CCDC15: variants seen among roughly 807,000 people sequenced by gnomAD.
CCDC15 encodes coiled-coil domain-containing protein 15.
A neutral mutation model predicts 114.5 loss-of-function variants in CCDC15; 105 were observed. That is an observed-to-expected ratio of 0.92 (90% confidence interval 0.78 to 1.08). The LOEUF (loss-of-function observed/expected upper bound fraction) is 1.08, where lower values mean the gene tolerates loss of function less well. Ranked by LOEUF, CCDC15 falls within the 50% of genes least tolerant of loss-of-function variation. CCDC15 has a pLI of 0.00. For missense variants in CCDC15, 1,105 were observed against 1,093.6 expected (o/e 1.01, Z -0.15); for synonymous variants, 334 against 377.8 (o/e 0.88, Z 1.34).
At chr11:125,003,767 C>T (rs1948516177) in intron 11 of CCDC15, 100 bp from the exon 12 acceptor site, 3 of 649,514 alleles carry the variant, frequency 4.6e-6, no homozygotes, top group Non-Finnish European at 7.9e-6. Context: ...CCAATTGAGC[C>T]CAAGTTTGCA....
chr11:124,986,212 C>G (rs1948153758), intron 6 of CCDC15, among the ~76,000 whole-genome samples: 1 of 152,142 alleles, frequency 6.6e-6, no homozygotes, highest in Admixed American at 6.5e-5. Context: ...TTCCATTGTT[C>G]TGTATGTGTC....
At chr11:124,992,485 TTC>T (rs1948286766) in intron 9 of CCDC15, 93 bp from the exon 10 acceptor site, 2 of 704,872 alleles carry the variant, frequency 2.8e-6, no homozygotes, top group African/African-American at 3.6e-5. Flanking sequence ...CTGGTTTCAT[TTC>T]TCTGGAGTTT....
intron 13 of CCDC15, among the ~76,000 whole-genome samples, chr11:125,016,286 G>GT (rs1454256852): frequency 2.0e-5 from 3 of 151,216 alleles, no homozygotes; most frequent in African/African-American, 7.3e-5. Flanking sequence ...CTTTGTGTAT[G>GT]TTTTTTTCCT....
At position 125,006,721 on chromosome 11, in the gene CCDC15, A is replaced by AT. The variant is rs368135267; in HGVS notation, c.2411+1519dup. On this transcript the variant is annotated intron_variant, in intron 13 of 15. Transcript: ENST00000344762. ...AGGTGTAAGATCTGTGTTTAGAGTC[A>AT]TTTTTTTTTTGCATGTGGATGTCCA... 6.1e-4 allele frequency among the ~76,000 whole-genome samples: 90 copies of AT among 147,784 alleles called. No individual in the cohort carries two copies. In the East Asian group the frequency reaches 6.1e-3, roughly 10 times the overall value.
In CCDC15 at chr11:124,972,993, G is replaced by A. The variant is rs978823393; in HGVS notation, c.517-2103G>A. Among the ~76,000 whole-genome samples the A allele has an allele frequency of 5.9e-5, 9 of 152,146 alleles. No individual in the cohort carries two copies. In the East Asian group the frequency reaches 1.5e-3, roughly 26 times the overall value. ...TTTTCTTATAAAGTAATATTTACAG[G>A]TTCTAGGGATTAACACCTGGTATCT... On this transcript the variant is annotated intron_variant, in intron 4 of 15. Coordinates refer to ENST00000344762, the MANE Select transcript of CCDC15 (RefSeq NM_025004.3).
chr11:124,988,082 A>G lies in CCDC15; in HGVS notation c.1856A>G (p.Asp619Gly). The change falls in exon 8 of 16, where the codon GAC (aspartate) becomes GGC (glycine). Residue 619 changes from aspartate (D) to glycine (G), a missense_variant. Physicochemically the swap from Asp to Gly is moderately conservative, Grantham distance 94. Transcript: ENST00000344762. ...AGAGACCTGCATGTTCTCTCCAACG[A>G]CCAGAATATTCTACCCAAATGTCAG... Reference protein sequence around the residue: ...LPRDLHVLSNDQNILPKCQDQ... With the variant: ...LPRDLHVLSNGQNILPKCQDQ... 1 of 1,613,944 alleles carries G rather than the reference A, an allele frequency of 6.2e-7. No homozygotes were observed. The highest frequency in any genetic ancestry group is 8.5e-7 in the Non-Finnish European group (1 of 1,179,868).
At chr11:124,976,378 TA>T (rs1459293018) in intron 5 of CCDC15, among the ~76,000 whole-genome samples, 1 of 152,070 alleles carries the variant, frequency 6.6e-6, no homozygotes, top group Non-Finnish European at 1.5e-5. Context: ...TAGTTAAATT[TA>T]AAAAACAAGT....
chr11:124,965,339 A>G (rs1947755631), intron 4 of CCDC15, among the ~76,000 whole-genome samples: 1 of 152,086 alleles, frequency 6.6e-6, no homozygotes, highest in South Asian at 2.1e-4. Flanking sequence ...GGTCTGTGCA[A>G]GGATTCAACT....
At chr11:124,963,473 A>G in intron 4 of CCDC15, among the ~76,000 whole-genome samples, 1 of 152,136 alleles carries the variant, frequency 6.6e-6, no homozygotes, top group Non-Finnish European at 1.5e-5. Flanking sequence ...TCCTTTGCCC[A>G]CTTTTTGATG....
At position 125,005,205 on chromosome 11, in the gene CCDC15, AT is replaced by A; in HGVS notation, c.2406del (p.Ile802MetfsTer20). On this transcript the variant is annotated frameshift_variant, in exon 13 of 16. Transcript: ENST00000344762. LOFTEE classifies it high-confidence loss of function. ...AAGGCAAAAAGAACAAAAGAAGAAAATTGAAAAGTAAGTTATTCGATCTGCT... is the reference window on the plus strand; with the variant it reads ...AAGGCAAAAAGAACAAAAGAAGAAAATGAAAAGTAAGTTATTCGATCTGCT... Reference protein sequence around the residue: ...QQRQKEQKKKIEKIKKKREQE... With the variant: ...QQRQKEQKKKXEKIKKKREQE... The A allele has an allele frequency of 6.9e-7, 1 of 1,441,848 alleles. No individual in the cohort carries two copies. The highest frequency in any genetic ancestry group is 9.6e-7 in the Non-Finnish European group (1 of 1,041,010). 89.3% of individuals were successfully genotyped at this position (1,441,848 alleles called of 1,614,324 possible). A position where few individuals can be genotyped will look rare whatever the true frequency, so the allele number is the denominator to read the frequency against.
chr11:125,019,309 A>G (rs1440639578), intron 13 of CCDC15, among the ~76,000 whole-genome samples: 3 of 152,076 alleles, frequency 2.0e-5, no homozygotes, highest in African/African-American at 7.2e-5. Flanking sequence ...AGTAGTTAGC[A>G]TTCACTGAGT....
Position 124,993,157 on chromosome 11 carries a change from T to A in CCDC15, c.2140-12T>A. ...CTTAGACAATCAGTTTTGTATTTTG[T>A]TGTTCCTTTAGAACAAGCATATCAA... On this transcript the variant is annotated splice_polypyrimidine_tract_variant and intron_variant, in intron 10 of 15. Transcript: ENST00000344762. 6.4e-7 allele frequency: 1 copy of A among 1,562,680 alleles called. No homozygotes were observed.
chr11:124,968,227 C>T (rs1456390706), intron 4 of CCDC15, among the ~76,000 whole-genome samples: 1 of 152,246 alleles, frequency 6.6e-6, no homozygotes, highest in Admixed American at 6.5e-5. Context: ...GAAGTTTCTG[C>T]TGCCTTTTGT....
chr11:125,036,986 A>G (rs892596622), intron 13 of CCDC15, among the ~76,000 whole-genome samples: 1 of 152,072 alleles, frequency 6.6e-6, no homozygotes, highest in Non-Finnish European at 1.5e-5. Flanking sequence ...TGACTTATTT[A>G]GTTCTTTTGG....
At chr11:124,997,185 T>C (rs980436151) in intron 11 of CCDC15, among the ~76,000 whole-genome samples, 2 of 152,216 alleles carry the variant, frequency 1.3e-5, no homozygotes, top group African/African-American at 4.8e-5. Context: ...AATGGGGTGC[T>C]GCTACAACAA....
At chr11:124,978,058 A>G (rs923448486) in intron 6 of CCDC15, among the ~76,000 whole-genome samples, 4 of 151,934 alleles carry the variant, frequency 2.6e-5, no homozygotes, top group Non-Finnish European at 5.9e-5. Flanking sequence ...CTTTGTGTTC[A>G]TATGTACTGA....
intron 13 of CCDC15, among the ~76,000 whole-genome samples, chr11:125,010,422 G>T (rs571293444): frequency 6.4e-4 from 96 of 151,048 alleles, no homozygotes; most frequent in Non-Finnish European, 1.1e-3. Flanking sequence ...CTGTCCAGTG[G>T]CACATTCTCA....
intron 4 of CCDC15, among the ~76,000 whole-genome samples, chr11:124,970,825 A>G (rs1041413854): frequency 1.3e-5 from 2 of 152,198 alleles, no homozygotes; most frequent in Non-Finnish European, 2.9e-5. Flanking sequence ...TGATGCTTTA[A>G]ATTTTACTAT....
intron 8 of CCDC15, among the ~76,000 whole-genome samples, chr11:124,991,061 G>C (rs1485480925): frequency 6.6e-6 from 1 of 152,174 alleles, no homozygotes; most frequent in Non-Finnish European, 1.5e-5. Context: ...ATTCTTAACG[G>C]AGCAATTGAT....
Sources: allele counts gnomAD v4.1 joint callset (sites outside exome capture counted in the v4.1 genomes callset), GRCh38; gene constraint gnomAD v4.1.1; transcripts MANE v1.5; gene names NCBI Gene and HGNC (gene_info 2026-07-23, HGNC 2026-07-21).